The following FRS2 variants were observed in gnomAD, a reference collection of about 807,000 sequenced individuals.
FRS2 encodes FGFR signalling adaptor.
In FRS2, 8 loss-of-function variants were observed where a neutral mutation model predicts 43.9. That is an observed-to-expected ratio of 0.18 (90% CI 0.11 to 0.33). The LOEUF (loss-of-function observed/expected upper bound fraction) is 0.33. Ranked by LOEUF, FRS2 falls within the 10% of genes least tolerant of loss-of-function variation. The probability of loss-of-function intolerance (pLI) is 1.00; values close to 1 mark genes in which losing one functional copy is unlikely to be tolerated. For missense variants in FRS2, 534 were observed against 627.6 expected (o/e 0.85, Z 1.59); for synonymous variants, 219 against 220.3 (o/e 0.99, Z 0.05).
intron 1 of FRS2, among the ~76,000 whole-genome samples, chr12:69,520,288 T>C (rs988912605): frequency 3.3e-5 from 5 of 152,138 alleles, no homozygotes; most frequent in Non-Finnish European, 7.3e-5. Context: ...AAGTTCCTTA[T>C]AGATGCTGGA....
intron 3 of FRS2, among the ~76,000 whole-genome samples, chr12:69,539,811 TG>T (rs1456333546): frequency 1.3e-5 from 2 of 151,746 alleles, no homozygotes; most frequent in Admixed American, 1.3e-4. Flanking sequence ...AAAAATTAGC[TG>T]GGCAGGGTGG....
intron 1 of FRS2, among the ~76,000 whole-genome samples, chr12:69,506,895 CATGGATTA>C (rs143354765): frequency 1.2e-3 from 187 of 152,200 alleles, no homozygotes; most frequent in Non-Finnish European, 2.1e-3. Flanking sequence ...TTAATACATT[CATGGATTA>C]ATGGATTAAT....
intron 1 of FRS2, among the ~76,000 whole-genome samples, chr12:69,525,979 C>G (rs1013455997): frequency 2.0e-5 from 3 of 152,258 alleles, no homozygotes; most frequent in Non-Finnish European, 2.9e-5. Flanking sequence ...CCTGCCTCAG[C>G]CTCCCAAGTA....
intron 1 of FRS2, among the ~76,000 whole-genome samples, chr12:69,520,908 G>A (rs1875568868): frequency 6.6e-6 from 1 of 151,852 alleles, no homozygotes; most frequent in African/African-American, 2.4e-5. Context: ...GGCTTTTTTT[G>A]TGGTGGTTGT....
intron 1 of FRS2, among the ~76,000 whole-genome samples, chr12:69,498,923 T>G (rs1182248862): frequency 6.6e-6 from 1 of 152,216 alleles, no homozygotes; most frequent in East Asian, 1.9e-4. Flanking sequence ...CATTACACAC[T>G]TGATGTTTAT....
In FRS2 at chr12:69,574,159, T is replaced by C; in HGVS notation, c.731T>C (p.Leu244Pro). 1 of 1,614,188 alleles carries C rather than the reference T, an allele frequency of 6.2e-7. No homozygotes were observed. Among genetic ancestry groups the C allele is most frequent in the South Asian group, 1.1e-5 (1 of 91,088 alleles). ...GAGGACAGGGATCCTCAGATTCTTC[T>C]TGAACCTGAAGGAGTCAAATTTGTT... Reference protein sequence around the residue: ...SIEDRDPQILLEPEGVKFVLG... With the variant: ...SIEDRDPQILPEPEGVKFVLG... The change falls in exon 9 of 9, where the codon CTT becomes CCT. Residue 244 changes from leucine to proline, a missense_variant. By Grantham distance (98) the Leu-to-Pro change is moderately conservative. Transcript: ENST00000549921.
intron 1 of FRS2, among the ~76,000 whole-genome samples, chr12:69,477,003 T>C (rs1284587179): frequency 1.3e-5 from 2 of 152,164 alleles, no homozygotes; most frequent in Non-Finnish European, 2.9e-5. Flanking sequence ...TAAAATGATA[T>C]GGGTTTATAG....
At chr12:69,498,172 A>G (rs888845391) in intron 1 of FRS2, among the ~76,000 whole-genome samples, 5 of 152,222 alleles carry the variant, frequency 3.3e-5, no homozygotes, top group African/African-American at 9.6e-5. Flanking sequence ...CAAAGAAGAC[A>G]TAAGTTAGCC....
At chr12:69,508,054 A>G (rs546676) in intron 1 of FRS2, among the ~76,000 whole-genome samples, 1 of 140,458 alleles carries the variant, frequency 7.1e-6, no homozygotes, top group African/African-American at 2.6e-5. Context: ...AAAAAAAAAA[A>G]GTTGCTGCAG....
At chr12:69,550,344 T>C (rs1327463023) in intron 3 of FRS2, among the ~76,000 whole-genome samples, 8 of 152,210 alleles carry the variant, frequency 5.3e-5, no homozygotes, top group Non-Finnish European at 8.8e-5. Flanking sequence ...CTCATAGTTA[T>C]TGCATGCAAC....
chr12:69,521,754 ACAGGTGCCCGCCACCGCACCTGGC>A (rs1471353654), intron 1 of FRS2, among the ~76,000 whole-genome samples: 4 of 151,672 alleles, frequency 2.6e-5, no homozygotes, highest in Non-Finnish European at 5.9e-5. Flanking sequence ...AGCTGGGACT[ACAGGTGCCCGCCACCGCACCTGGC>A]TAATTTTTTG....
At chr12:69,527,002 C>G (rs1253682411) in intron 1 of FRS2, among the ~76,000 whole-genome samples, 1 of 152,214 alleles carries the variant, frequency 6.6e-6, no homozygotes, top group Non-Finnish European at 1.5e-5. Context: ...GGATTACAGG[C>G]CTGAGCCACC....
chr12:69,548,013 A>C (rs556395447), intron 3 of FRS2, among the ~76,000 whole-genome samples: 1 of 151,832 alleles, frequency 6.6e-6, no homozygotes, highest in African/African-American at 2.4e-5. Context: ...CATCTGGCTA[A>C]GTTTTTTTTA....
chr12:69,571,533 C>T (rs1880757731), intron 7 of FRS2, 99 bp downstream of exon 7: 1 of 952,656 alleles, frequency 1.0e-6, no homozygotes, highest in South Asian at 1.4e-5. Context: ...GAAATCACCA[C>T]TGGATAACAG....
intron 3 of FRS2, among the ~76,000 whole-genome samples, chr12:69,533,203 C>G (rs1223919172): frequency 1.3e-5 from 2 of 152,126 alleles, no homozygotes; most frequent in African/African-American, 4.8e-5. Context: ...TTAAAAAACA[C>G]ACATATACAG....
At chr12:69,562,942 G>A (rs1565776840) in intron 4 of FRS2, among the ~76,000 whole-genome samples, 2 of 151,876 alleles carry the variant, frequency 1.3e-5, no homozygotes, top group South Asian at 2.1e-4. Context: ...GTCCTCCCAC[G>A]ACAGCCTCCC....
chr12:69,476,771 T>C (rs865805101), intron 1 of FRS2, among the ~76,000 whole-genome samples: 1 of 75,104 alleles, frequency 1.3e-5, no homozygotes, highest in African/African-American at 5.0e-5. Flanking sequence ...GGTGTGGGGG[T>C]GGGGAACTTA....
At chr12:69,473,862 G>C (rs1394289066) in intron 1 of FRS2, among the ~76,000 whole-genome samples, 2 of 152,096 alleles carry the variant, frequency 1.3e-5, no homozygotes, top group East Asian at 1.9e-4. Context: ...TTTTGTTTTT[G>C]AGACAGAGTC....
chr12:69,516,221 A>ATT (rs58461725), intron 1 of FRS2, among the ~76,000 whole-genome samples: 10 of 143,090 alleles, frequency 7.0e-5, no homozygotes, highest in South Asian at 6.6e-4. Context: ...TATTATTACT[A>ATT]TTTTTTTTTT....
Sources: allele counts gnomAD v4.1 joint callset (sites outside exome capture counted in the v4.1 genomes callset), GRCh38; gene constraint gnomAD v4.1.1; transcripts MANE v1.5; gene names NCBI Gene and HGNC (gene_info 2026-07-23, HGNC 2026-07-21).